The following ROBO2 variants were observed in gnomAD, a reference collection of about 807,000 sequenced individuals.
The protein encoded by ROBO2 is roundabout homolog 2.
ROBO2 carries 53 observed loss-of-function variants against 160.8 expected under a neutral mutation model. That is an observed-to-expected ratio of 0.33 (90% CI 0.26 to 0.41). The LOEUF is 0.41. Ranked by LOEUF, ROBO2 falls within the 10% of genes least tolerant of loss-of-function variation. The pLI, the probability that ROBO2 is intolerant of heterozygous loss-of-function variation, is 1.00. For missense variants in ROBO2, 1,577 were observed against 1,722.4 expected, an observed-to-expected ratio of 0.92 and a Z score of 1.49; for synonymous variants, 664 against 611.7, an observed-to-expected ratio of 1.09 and a Z score of -1.26.
intron 2 of ROBO2, among the ~76,000 whole-genome samples, chr3:76,392,089 G>A (rs2077182159): frequency 6.6e-6 from 1 of 151,976 alleles, no homozygotes; most frequent in Admixed American, 6.6e-5. Context: ...TTTCTACATG[G>A]CAGTGAATTT....
At chr3:76,283,005 ATTT>A (rs1283507905) in intron 2 of ROBO2, among the ~76,000 whole-genome samples, 1 of 136,454 alleles carries the variant, frequency 7.3e-6, no homozygotes, top group African/African-American at 2.5e-5. Context: ...TTTTAAGAAA[ATTT>A]TTTATTTTTT....
At chr3:75,985,794 A>G (rs1242413992) in intron 2 of ROBO2, among the ~76,000 whole-genome samples, 2 of 151,664 alleles carry the variant, frequency 1.3e-5, no homozygotes, top group Non-Finnish European at 3.0e-5. Context: ...AAATGAAATC[A>G]TACAGCTTTG....
chr3:77,638,818 C>CTTTTT lies in ROBO2; in HGVS notation c.3934+3796_3934+3800dup, dbSNP rs34034420. ...CCAGCCTATTCTCCCTTTCACCTAG[C>CTTTTT]TTTTTTTTTTTTTTTTTTTTTTTTT... On this transcript the variant is annotated intron_variant, in intron 24 of 25. Coordinates refer to ENST00000461745, the Ensembl canonical transcript of ROBO2. Among the ~76,000 whole-genome samples the CTTTTT allele has an allele frequency of 3.1e-3, 159 of 51,228 alleles. 1 individual carries two copies. The highest frequency in any genetic ancestry group is 3.7e-3 in the Non-Finnish European group (108 of 29,418). 33.6% of individuals were successfully genotyped at this position (51,228 alleles called of 152,430 possible).
At chr3:77,139,492 G>C (rs1169193206) in intron 2 of ROBO2, among the ~76,000 whole-genome samples, 1 of 152,120 alleles carries the variant, frequency 6.6e-6, no homozygotes, top group Non-Finnish European at 1.5e-5. Context: ...AATGTATTAA[G>C]AGCCTACTAA....
intron 2 of ROBO2, among the ~76,000 whole-genome samples, chr3:76,034,069 G>T (rs1319340136): frequency 6.6e-6 from 1 of 152,206 alleles, no homozygotes; most frequent in Non-Finnish European, 1.5e-5. Flanking sequence ...ACAGGAGGGT[G>T]GCAAACACCT....
intron 1 of ROBO2, among the ~76,000 whole-genome samples, chr3:75,923,028 A>G (rs1159425442): frequency 1.3e-5 from 2 of 152,204 alleles, no homozygotes; most frequent in African/African-American, 2.4e-5. Context: ...AAAGACACAC[A>G]CATCACTTTC....
intron 2 of ROBO2, among the ~76,000 whole-genome samples, chr3:76,724,513 C>T (rs1379119379): frequency 6.6e-6 from 1 of 152,198 alleles, no homozygotes; most frequent in Non-Finnish European, 1.5e-5. Context: ...CTGCTCTATT[C>T]TCCCCAATAG....
chr3:77,472,057 A>C (rs1011119138), intron 2 of ROBO2, among the ~76,000 whole-genome samples: 1 of 152,138 alleles, frequency 6.6e-6, no homozygotes, highest in Non-Finnish European at 1.5e-5. Context: ...GGGTGCTCTT[A>C]GTTTAAAGTC....
intron 2 of ROBO2, chr3:76,434,397 TCAAC>T: frequency 1.3e-6 from 2 of 1,560,114 alleles, no homozygotes; most frequent in South Asian, 2.2e-5. Flanking sequence ...CTGTCAGCTG[TCAAC>T]GAAAGTATCC....
At chr3:76,637,635 A>C (rs1395353728) in intron 2 of ROBO2, among the ~76,000 whole-genome samples, 1 of 152,196 alleles carries the variant, frequency 6.6e-6, no homozygotes, top group Admixed American at 6.5e-5. Context: ...TCTTCCGGGC[A>C]CATACACTGT....
chr3:76,689,176 A>G lies in ROBO2; in HGVS notation c.110-408838A>G, dbSNP rs1395328692. Among the ~76,000 whole-genome samples the G allele has an allele frequency of 3.9e-5, 6 of 152,116 alleles. No individual in the cohort carries two copies. In the South Asian group the frequency reaches 8.3e-4, roughly 21 times the overall value. ...CTCTGGTATCTTATTGACAAATTCA[A>G]TTATGTTTCAGAAATATATAACATC... On this transcript the variant is annotated intron_variant, in intron 2 of 26. Coordinates refer to the ROBO2 transcript ENST00000487694.
chr3:77,622,519 T>C lies in ROBO2; in HGVS notation c.3760+87T>C, dbSNP rs1176073835. On this transcript the variant is annotated intron_variant, in intron 23 of 25. Coordinates refer to ENST00000461745, the Ensembl canonical transcript of ROBO2. ...TCAACTACTTCCTTATTGTAAGATT[T>C]ATTCCACTCCATCTATTTCTGTAAC... The C allele has an allele frequency of 7.2e-5, 76 of 1,051,018 alleles. 2 individuals are homozygous for C. The highest frequency in any genetic ancestry group is 3.6e-4 in the South Asian group (27 of 75,154). The allele number at this position is 1,051,018 out of a possible 1,614,324, so 65.1% of individuals were successfully genotyped here. A position where few individuals can be genotyped will look rare whatever the true frequency, so the allele number is the denominator to read the frequency against.
intron 2 of ROBO2, among the ~76,000 whole-genome samples, chr3:76,082,612 C>G (rs967337047): frequency 2.6e-5 from 4 of 152,066 alleles, no homozygotes; most frequent in Non-Finnish European, 4.4e-5. Flanking sequence ...GTCTTTACCT[C>G]CTTCAAGTCT....
At chr3:77,410,699 TTCCTCCTCCTCC>T (rs1213707755) in intron 2 of ROBO2, among the ~76,000 whole-genome samples, 1 of 41,014 alleles carries the variant, frequency 2.4e-5, no homozygotes, top group African/African-American at 1.2e-4. Flanking sequence ...CCTCCTCCTC[TTCCTCCTCCTCC>T]TCCTCTTCCT....
intron 2 of ROBO2, among the ~76,000 whole-genome samples, chr3:76,370,690 A>G (rs2076057909): frequency 6.6e-6 from 1 of 151,938 alleles, no homozygotes; most frequent in South Asian, 2.1e-4. Context: ...TTATTACAAT[A>G]CTAAATCAAA....
At chr3:75,995,584 G>C (rs1217886871) in intron 2 of ROBO2, among the ~76,000 whole-genome samples, 1 of 152,144 alleles carries the variant, frequency 6.6e-6, no homozygotes, top group Non-Finnish European at 1.5e-5. Context: ...ACATGGGGTT[G>C]GAGCTCCCAC....
At chr3:76,396,898 C>T (rs1483673798) in intron 2 of ROBO2, among the ~76,000 whole-genome samples, 2 of 152,082 alleles carry the variant, frequency 1.3e-5, no homozygotes, top group Non-Finnish European at 2.9e-5. Flanking sequence ...GCCATACTGC[C>T]CAAGGTAATT....
chr3:76,196,221 G>GC (rs1460545039), intron 2 of ROBO2, among the ~76,000 whole-genome samples: 21 of 152,190 alleles, frequency 1.4e-4, no homozygotes, highest in Middle Eastern at 3.4e-3. Context: ...GGTGCAAGCT[G>GC]CAGTAAGGCT....
chr3:77,431,429 G>A (rs1482702204), intron 2 of ROBO2, among the ~76,000 whole-genome samples: 1 of 152,090 alleles, frequency 6.6e-6, no homozygotes, highest in Non-Finnish European at 1.5e-5. Flanking sequence ...ATGCTCTACA[G>A]GATAGTTTTC....
Sources: gnomAD v4.1 joint callset for allele counts (sites outside exome capture counted in the v4.1 genomes callset) on GRCh38, gnomAD v4.1.1 for gene constraint, MANE v1.5 for transcripts, NCBI Gene and HGNC (gene_info 2026-07-23, HGNC 2026-07-21) for gene names.